VDAC1: variants seen among roughly 807,000 people sequenced by gnomAD.
VDAC1 encodes non-selective voltage-gated ion channel VDAC1.
Under a neutral mutation model 34.7 loss-of-function variants are expected in VDAC1, and 10 were observed. The observed-to-expected ratio is 0.29, with a 90% CI of 0.18 to 0.49. The LOEUF is 0.49. VDAC1 is among the 20% of genes least tolerant of loss of function. VDAC1 has a pLI of 0.99. For synonymous variants in VDAC1, 130 were observed against 136.0 expected (o/e 0.96, Z 0.30); for missense variants, 230 against 347.9 (o/e 0.66, Z 2.69).
rs780713815 is a variant in VDAC1 at position 133,972,808 on chromosome 5, C to T, written c.815G>A (p.Gly272Asp). The T allele has an allele frequency of 6.2e-7, 1 of 1,613,634 alleles. No individual in the cohort carries two copies. The highest frequency in any genetic ancestry group is 8.5e-7 in the Non-Finnish European group (1 of 1,179,614). Reference sequence around the variant, plus strand: ...TTCCAGTCCTAGACCAAGCTTGTGGCCACCAGCATTGACGTTCTTGCCATC... The same window carrying T: ...TTCCAGTCCTAGACCAAGCTTGTGGTCACCAGCATTGACGTTCTTGCCATC... The part of the protein sequence containing the change: ...LLDGKNVNAG[G>D]HKLGLGLEFQ... Residue 272 changes from glycine to aspartate, a missense_variant, in exon 9 of 9, where the codon GGC (glycine) becomes GAC (aspartate). Coordinates refer to ENST00000265333, the MANE Select transcript of VDAC1 (RefSeq NM_003374.3).
At chr5:134,051,284 G>A in the VDAC1 span, among the ~76,000 whole-genome samples, 1 of 152,212 alleles carries the variant, frequency 6.6e-6, no homozygotes, top group African/African-American at 2.4e-5. Context: ...TGCTGAGCCC[G>A]CTCTCAGAGT....
At chr5:134,013,429 T>G in the VDAC1 span, among the ~76,000 whole-genome samples, 1 of 151,966 alleles carries the variant, frequency 6.6e-6, no homozygotes, top group Non-Finnish European at 1.5e-5. Context: ...AGTAAGACTG[T>G]GTCTCAAAAA....
the VDAC1 span, among the ~76,000 whole-genome samples, chr5:134,059,525 A>C: frequency 6.6e-6 from 1 of 152,030 alleles, no homozygotes; most frequent in African/African-American, 2.4e-5. Flanking sequence ...AGCCTTGTTC[A>C]TAGGGCCAGG....
At chr5:134,092,772 G>C in the VDAC1 span, among the ~76,000 whole-genome samples, 141,878 of 152,220 alleles carry the variant, frequency 0.93, 66,226 homozygotes, top group African/African-American at 0.98. Flanking sequence ...CCCCAGCGAT[G>C]CCCCACACAG....
intron 1 of VDAC1, among the ~76,000 whole-genome samples, chr5:134,001,981 T>C (rs1014318467): frequency 1.3e-5 from 2 of 152,116 alleles, no homozygotes; most frequent in African/African-American, 4.8e-5. Flanking sequence ...CAGGACTCCA[T>C]GGAAAACCCA....
chr5:134,058,947 T>C, the VDAC1 span, among the ~76,000 whole-genome samples: 1 of 152,158 alleles, frequency 6.6e-6, no homozygotes, highest in Non-Finnish European at 1.5e-5. Flanking sequence ...AAGGGTGGGC[T>C]TTACAATAAC....
chr5:134,104,087 C>T, the VDAC1 span, among the ~76,000 whole-genome samples: 283 of 147,988 alleles, frequency 1.9e-3, no homozygotes, highest in African/African-American at 3.6e-3. Context: ...GGGCAAGTTA[C>T]GTCACTAGGG....
intron 5 of VDAC1, among the ~76,000 whole-genome samples, chr5:133,988,167 T>C (rs1235649746): frequency 1.3e-5 from 2 of 152,232 alleles, no homozygotes; most frequent in Non-Finnish European, 2.9e-5. Flanking sequence ...TTGCTGATTC[T>C]GATCATTATA....
chr5:134,093,254 TACCAC>T, the VDAC1 span, among the ~76,000 whole-genome samples: 2 of 152,232 alleles, frequency 1.3e-5, no homozygotes, highest in Non-Finnish European at 2.9e-5. Flanking sequence ...GAATGGGTAA[TACCAC>T]TGCCTGGCTT....
the VDAC1 span, among the ~76,000 whole-genome samples, chr5:134,025,660 G>C: frequency 6.6e-6 from 1 of 152,116 alleles, no homozygotes; most frequent in Admixed American, 6.5e-5. Context: ...CGCAATCTCT[G>C]CTCACTGCAA....
At chr5:134,054,465 T>C in the VDAC1 span, among the ~76,000 whole-genome samples, 3 of 148,774 alleles carry the variant, frequency 2.0e-5, no homozygotes, top group Admixed American at 6.7e-5. Context: ...TTCCTTTTTT[T>C]TTTTTTTTTT....
chr5:133,986,989 T>C (rs1752931186), intron 5 of VDAC1, among the ~76,000 whole-genome samples: 1 of 152,138 alleles, frequency 6.6e-6, no homozygotes, highest in Non-Finnish European at 1.5e-5. Flanking sequence ...ATTAAATAAA[T>C]ACATGGGGAA....
chr5:133,984,482 A>T (rs1752831875), intron 5 of VDAC1, among the ~76,000 whole-genome samples: 1 of 141,154 alleles, frequency 7.1e-6, no homozygotes, highest in Admixed American at 7.3e-5. Context: ...ATGGGGTTTC[A>T]CCATGTTACC....
At chr5:134,058,685 G>T in the VDAC1 span, among the ~76,000 whole-genome samples, 2 of 152,154 alleles carry the variant, frequency 1.3e-5, no homozygotes, top group African/African-American at 4.8e-5. Flanking sequence ...CCTTGATCAT[G>T]CAAACTGCAT....
At chr5:133,980,652 AAC>A in intron 6 of VDAC1, 75 bp downstream of exon 6, 8 of 987,102 alleles carry the variant, frequency 8.1e-6, no homozygotes, top group Non-Finnish European at 1.0e-5. Context: ...AAAAAAAAAA[AAC>A]AGTGAAAAGC....
At chr5:134,006,321 G>T (rs889782692), upstream of VDAC1, among the ~76,000 whole-genome samples, 1 of 152,140 alleles carries the variant, frequency 6.6e-6, no homozygotes, top group African/African-American at 2.4e-5. Context: ...GAGGCCGGGC[G>T]GGACAAGGCG....
At chr5:134,074,479 A>G in the VDAC1 span, among the ~76,000 whole-genome samples, 3 of 152,036 alleles carry the variant, frequency 2.0e-5, no homozygotes, top group Admixed American at 6.6e-5. Flanking sequence ...GCCCCAGGGA[A>G]CTGACCCTGA....
chr5:134,057,714 C>T, the VDAC1 span, among the ~76,000 whole-genome samples: 2 of 151,322 alleles, frequency 1.3e-5, no homozygotes, highest in East Asian at 3.9e-4. Context: ...GGATATGTGT[C>T]TTTTGAATTT....
the VDAC1 span, among the ~76,000 whole-genome samples, chr5:134,088,026 G>A: frequency 5.8e-4 from 88 of 150,910 alleles, no homozygotes; most frequent in Admixed American, 1.6e-3. Flanking sequence ...GTTGTAGCGC[G>A]TGCCTGTAAT....
Sources: gnomAD v4.1 joint callset for allele counts (sites outside exome capture counted in the v4.1 genomes callset) on GRCh38, gnomAD v4.1.1 for gene constraint, MANE v1.5 for transcripts, NCBI Gene and HGNC (gene_info 2026-07-23, HGNC 2026-07-21) for gene names.